The following EEF1A1 variants were observed in gnomAD, a reference collection of about 807,000 sequenced individuals.
EEF1A1 encodes the protein eukaryotic translation elongation factor 1 alpha 1.
Under a neutral mutation model 38.5 loss-of-function variants are expected in EEF1A1, and 1 was observed. The ratio of observed to expected loss-of-function variants is 0.03; its 90% CI spans 0.01 to 0.12. The LOEUF is 0.12. EEF1A1 is among the 10% of genes least tolerant of loss of function. The pLI, the probability that EEF1A1 is intolerant of heterozygous loss-of-function variation, is 1.00. For missense variants in EEF1A1, 184 were observed against 588.3 expected (o/e 0.31, Z 7.11); for synonymous variants, 229 against 203.7 (o/e 1.12, Z -1.06).
intron 1 of EEF1A1, chr6:73,520,377 A>C (rs1475477515): frequency 5.5e-5 from 10 of 180,984 alleles, no homozygotes; most frequent in Non-Finnish European, 8.1e-5. Context: ...CGCTCTCCCG[A>C]GCGCCGCGTC....
At chr6:73,519,766 G>T in intron 2 of EEF1A1, 117 bp downstream of exon 2, 1 of 1,440,870 alleles carries the variant, frequency 6.9e-7, no homozygotes, top group Non-Finnish European at 9.4e-7. Flanking sequence ...TCATAAGTAA[G>T]GTCTTAACTA....
At position 73,516,061 on chromosome 6, in the gene EEF1A1, A is replaced by C. The variant is rs763257477; in HGVS notation, c.*1749T>G. On this transcript the variant is annotated 3_prime_UTR_variant, in exon 8 of 8. Transcript: ENST00000309268. ...TCATCCAGCAAATCTTAGACTATTT[A>C]CTTGTGTAAACATTAGATAGCAAAG... 2 of 152,200 alleles carry C rather than the reference A, an allele frequency of 1.3e-5. No homozygotes were observed. Among genetic ancestry groups the C allele is most frequent in the Non-Finnish European group, 2.9e-5 (2 of 68,044 alleles). The allele number at this position is 152,200 out of a possible 1,614,324, so 9.4% of individuals were successfully genotyped here. A position where few individuals can be genotyped will look rare whatever the true frequency, so the allele number is the denominator to read the frequency against.
rs1301627889 is a variant in EEF1A1, at chr6:73,517,626, C to A, written c.*184G>T. 4.5e-6 allele frequency: 2 copies of A among 443,158 alleles called. No homozygotes were observed. The highest frequency in any genetic ancestry group is 8.0e-6 in the Non-Finnish European group (2 of 250,302). 27.5% of individuals were successfully genotyped at this position (443,158 alleles called of 1,614,324 possible). ...AAACTAATAACTTAAAACTGCCACACGCAAAAAAGAAAACCAAAGTGGTCC... is the reference window on the plus strand; with the variant it reads ...AAACTAATAACTTAAAACTGCCACAAGCAAAAAAGAAAACCAAAGTGGTCC... On this transcript the variant is annotated 3_prime_UTR_variant, in exon 8 of 8. Transcript: ENST00000309268.
At position 73,518,455 on chromosome 6, in the gene EEF1A1, A is replaced by G; in HGVS notation, c.928T>C (p.Phe310Leu). ...TTGACAGACACATTCTTGACATTGAAGCCCACATTGTCCCCAGGAAGAGCT... is the reference window on the plus strand; with the variant it reads ...TTGACAGACACATTCTTGACATTGAGGCCCACATTGTCCCCAGGAAGAGCT... Reference protein sequence around the residue: ...SEALPGDNVGFNVKNVSVKDV... With the variant: ...SEALPGDNVGLNVKNVSVKDV... The change falls in exon 6 of 8, where the codon TTC becomes CTC. Residue 310 changes from phenylalanine to leucine, a missense_variant. By Grantham distance (22) the Phe-to-Leu change is conservative. Coordinates refer to ENST00000309268, the MANE Select transcript of EEF1A1 (RefSeq NM_001402.6). 2 of 1,613,884 alleles carry G rather than the reference A, an allele frequency of 1.2e-6. No homozygotes were observed. Among genetic ancestry groups the G allele is most frequent in the Non-Finnish European group, 1.7e-6 (2 of 1,179,876 alleles).
rs923827262 is a variant in EEF1A1 at position 73,516,689 on chromosome 6, A to C, written c.*1121T>G. 7.2e-5 allele frequency: 11 copies of C among 151,876 alleles called. No homozygotes were observed. Among genetic ancestry groups the C allele is most frequent in the Non-Finnish European group, 1.3e-4 (9 of 67,960 alleles). 9.4% of individuals were successfully genotyped at this position (151,876 alleles called of 1,614,324 possible). On this transcript the variant is annotated 3_prime_UTR_variant, in exon 8 of 8. Transcript: ENST00000309268. ...AATTTTCCTTTTATAACCAAAAAAAAACCTTTAGACACTTTTACATATGGG... is the reference window on the plus strand; with the variant it reads ...AATTTTCCTTTTATAACCAAAAAAACACCTTTAGACACTTTTACATATGGG...
At position 73,519,863 on chromosome 6, in the gene EEF1A1, C is replaced by G; in HGVS notation, c.144+20G>C. The G allele has an allele frequency of 6.2e-7, 1 of 1,611,916 alleles. No homozygotes were observed. The highest frequency in any genetic ancestry group is 8.5e-7 in the Non-Finnish European group (1 of 1,179,582). On this transcript the variant is annotated intron_variant, in intron 2 of 7. Transcript: ENST00000309268. ...AAAACTCATTTTAGTTGATCTTTCC[C>G]TTTCTGGTATTAAACATACCTCAGC... is the stretch of plus-strand genomic sequence containing the variant.
rs774951848 is a variant in EEF1A1 at position 73,518,822 on chromosome 6, G to A, written c.648C>T (p.Val216=). Residue 216 remains valine, a synonymous_variant, in exon 5 of 8, where the codon GTC becomes GTT. Transcript: ENST00000309268. ...ANMPWFKGWK[V]TRKDGNASGT... ...CACTGGCATTGCCATCCTTACGGGT[G>A]ACTTTCCATCCCTTGAACCAAGGCA... is the stretch of plus-strand genomic sequence containing the variant. 20 of 1,614,042 alleles carry A rather than the reference G, an allele frequency of 1.2e-5. No homozygotes were observed. In the South Asian group the frequency reaches 1.8e-4, roughly 14 times the overall value.
rs900021218 is a variant in EEF1A1, at chr6:73,517,194, T to C, written c.*616A>G. 6.6e-6 allele frequency: 1 copy of C among 152,272 alleles called. No individual in the cohort carries two copies. The highest frequency in any genetic ancestry group is 2.4e-5 in the African/African-American group (1 of 41,462). 9.4% of individuals were successfully genotyped at this position (152,272 alleles called of 1,614,324 possible). On this transcript the variant is annotated 3_prime_UTR_variant, in exon 8 of 8. Transcript: ENST00000309268. Reference sequence around the variant, plus strand: ...CACATCCCAGTAATTTGGAAACATTTTGTTTCCAAAGATTCACTTAACATT... The same window carrying C: ...CACATCCCAGTAATTTGGAAACATTCTGTTTCCAAAGATTCACTTAACATT...
Position 73,517,658 on chromosome 6 carries a change from C to T in EEF1A1, c.*152G>A, listed in dbSNP as rs1765553702. ...AAGAAAACCAAAGTGGTCCACAAAA[C>T]ATTCTCCTTTCCTTCTGAAGGTTTT... On this transcript the variant is annotated 3_prime_UTR_variant, in exon 8 of 8. Transcript: ENST00000309268. 8 of 463,086 alleles carry T rather than the reference C, an allele frequency of 1.7e-5. No individual in the cohort carries two copies. The East Asian group carries it at 2.6e-4, about 15-fold the overall frequency. 28.7% of individuals were successfully genotyped at this position (463,086 alleles called of 1,614,324 possible).
rs200344550 is a variant in EEF1A1 at position 73,518,112 on chromosome 6, C to T, written c.1182G>A (p.Leu394=). 2.5e-4 allele frequency: 396 copies of T among 1,604,052 alleles called. 1 individual carries two copies. The African/African-American group carries it at 4.8e-3, about 20-fold the overall frequency. The change falls in exon 7 of 8, where the codon TTG becomes TTA. Residue 394 remains leucine (L), a synonymous_variant. Coordinates refer to ENST00000309268, the MANE Select transcript of EEF1A1 (RefSeq NM_001402.6). ...GKKLEDGPKF[L]KSGDAAIVDM... The stretch of plus-strand genomic sequence containing the variant: ...CAACAATGGCAGCATCACCAGACTT[C>T]AAGAATTTAGGGCCATCTTCCAGCT...
Position 73,515,859 on chromosome 6 carries a change from C to CA in EEF1A1, c.*1950dup, listed in dbSNP as rs1158916149. Reference sequence around the variant, plus strand: ...ACTGGGTTTCACAGGAAGTTAATCTCAATCTCAGTATATGCAAGTAAACTG... The same window carrying CA: ...ACTGGGTTTCACAGGAAGTTAATCTCAAATCTCAGTATATGCAAGTAAACTG... On this transcript the variant is annotated 3_prime_UTR_variant, in exon 8 of 8. Transcript: ENST00000309268. 1 of 152,222 alleles carries CA rather than the reference C, an allele frequency of 6.6e-6. No individual in the cohort carries two copies. 9.4% of individuals were successfully genotyped at this position (152,222 alleles called of 1,614,324 possible). A position where few individuals can be genotyped will look rare whatever the true frequency, so the allele number is the denominator to read the frequency against.
chr6:73,520,081 A>C, intron 1 of EEF1A1, 25 bp from the exon 2 acceptor site: 3 of 1,567,828 alleles, frequency 1.9e-6, no homozygotes, highest in Non-Finnish European at 2.6e-6. Flanking sequence ...AAAAACTTTG[A>C]ACCACTGTCT....
At position 73,518,807 on chromosome 6, in the gene EEF1A1, G is replaced by T. The variant is rs778657176; in HGVS notation, c.663C>A (p.Gly221=). 6.2e-7 allele frequency: 1 copy of T among 1,614,164 alleles called. No homozygotes were observed. Among genetic ancestry groups the T allele is most frequent in the South Asian group, 1.1e-5 (1 of 91,082 alleles). Residue 221 remains glycine (G), a synonymous_variant, in exon 5 of 8, where the codon GGC becomes GGA. Coordinates refer to ENST00000309268, the MANE Select transcript of EEF1A1 (RefSeq NM_001402.6). ...CAAGCAGCGTGGTTCCACTGGCATT[G>T]CCATCCTTACGGGTGACTTTCCATC... ...FKGWKVTRKD[G]NASGTTLLEA...
chr6:73,519,313 C>CA (rs775447210), intron 3 of EEF1A1, 24 bp downstream of exon 3: 1 of 1,606,666 alleles, frequency 6.2e-7, no homozygotes, highest in South Asian at 1.1e-5. Flanking sequence ...GATAAAGAAA[C>CA]CTAGAATTAT....
In EEF1A1 at chr6:73,518,485, T is replaced by C; in HGVS notation, c.898A>G (p.Ser300Gly). 1 of 1,613,908 alleles carries C rather than the reference T, an allele frequency of 6.2e-7. No homozygotes were observed. Among genetic ancestry groups the C allele is most frequent in the Non-Finnish European group, 8.5e-7 (1 of 1,179,818 alleles). The change falls in exon 6 of 8, where the codon AGT (serine) becomes GGT (glycine). Residue 300 changes from serine to glycine, a missense_variant. Ser to Gly is a moderately conservative substitution (Grantham distance 56). Coordinates refer to ENST00000309268, the MANE Select transcript of EEF1A1 (RefSeq NM_001402.6). ...KSVEMHHEALSEALPGDNVGF... is the reference protein window; with the variant it reads ...KSVEMHHEALGEALPGDNVGF... Reference sequence around the variant, plus strand: ...ACATTGTCCCCAGGAAGAGCTTCACTCAAAGCTTCATGGTGCATTTCGACA... The same window carrying C: ...ACATTGTCCCCAGGAAGAGCTTCACCCAAAGCTTCATGGTGCATTTCGACA...
chr6:73,519,582 C>A, intron 2 of EEF1A1, 66 bp from the exon 3 acceptor site: 1 of 1,497,408 alleles, frequency 6.7e-7, no homozygotes, highest in Non-Finnish European at 9.0e-7. Flanking sequence ...TTCCTTGTCC[C>A]CAGCCCTTAA....
rs1765597151 is a variant in EEF1A1 at position 73,519,330 on chromosome 6, C to T, written c.324+7G>A. 2 of 1,543,190 alleles carry T rather than the reference C, an allele frequency of 1.3e-6. No homozygotes were observed. The highest frequency in any genetic ancestry group is 2.3e-5 in the South Asian group (2 of 86,602). On this transcript the variant is annotated splice_region_variant and intron_variant, in intron 3 of 7. Coordinates refer to ENST00000309268, the MANE Select transcript of EEF1A1 (RefSeq NM_001402.6). ...TAAAGAAACCTAGAATTATTAATCCCACCAACCTGAGATGTCCCTGTAATC... is the reference window on the plus strand; with the variant it reads ...TAAAGAAACCTAGAATTATTAATCCTACCAACCTGAGATGTCCCTGTAATC...
Position 73,517,710 on chromosome 6 carries a change from C to T in EEF1A1, c.*100G>A, listed in dbSNP as rs1457322498. 1 of 625,390 alleles carries T rather than the reference C, an allele frequency of 1.6e-6. No individual in the cohort carries two copies. The highest frequency in any genetic ancestry group is 2.8e-6 in the Non-Finnish European group (1 of 361,250). 38.7% of individuals were successfully genotyped at this position (625,390 alleles called of 1,614,324 possible). ...CGATGCATTGTTATCATTAACCAGTCTTTTACTACTAAACTTAAATGGCCA... is the reference window on the plus strand; with the variant it reads ...CGATGCATTGTTATCATTAACCAGTTTTTTACTACTAAACTTAAATGGCCA... On this transcript the variant is annotated 3_prime_UTR_variant, in exon 8 of 8. Coordinates refer to ENST00000309268, the MANE Select transcript of EEF1A1 (RefSeq NM_001402.6).
Position 73,518,391 on chromosome 6 carries a change from T to A in EEF1A1, c.992A>T (p.Asn331Ile), listed in dbSNP as rs1765576527. 2 of 1,613,576 alleles carry A rather than the reference T, an allele frequency of 1.2e-6. No homozygotes were observed. Among genetic ancestry groups the A allele is most frequent in the Admixed American group, 1.7e-5 (1 of 59,996 alleles). The change falls in exon 6 of 8, where the codon AAT becomes ATT. Residue 331 changes from asparagine (N) to isoleucine (I), a missense_variant. Physicochemically the swap from Asn to Ile is moderately radical, Grantham distance 149. This residue lies in a region of EEF1A1 where 81 missense variants were observed against 286.3 expected (regional missense o/e 0.28). Coordinates refer to ENST00000309268, the MANE Select transcript of EEF1A1 (RefSeq NM_001402.6). Reference sequence around the variant, plus strand: ...GCCAGCTGCTTCCATTGGTGGGTCATTTTTGCTGTCACCAGCAACGTTGCC... The same window carrying A: ...GCCAGCTGCTTCCATTGGTGGGTCAATTTTGCTGTCACCAGCAACGTTGCC... The part of the protein sequence containing the change: ...RRGNVAGDSK[N>I]DPPMEAAGFT...
Sources: gnomAD v4.1 joint callset for allele counts on GRCh38, gnomAD v4.1.1 for gene constraint, gnomAD v4.1.1 regional missense constraint, MANE v1.5 for transcripts, NCBI Gene and HGNC (gene_info 2026-07-23, HGNC 2026-07-21) for gene names.